Variants in HS3ST4 observed in about 807,000 individuals in gnomAD.
HS3ST4 encodes the protein heparan sulfate-glucosamine 3-sulfotransferase 4.
HS3ST4 carries 17 observed loss-of-function variants against 29.2 expected under a neutral mutation model. The observed-to-expected ratio is 0.58, with a 90% confidence interval of 0.40 to 0.87. The LOEUF (loss-of-function observed/expected upper bound fraction) is 0.87, where lower values mean the gene tolerates loss of function less well. HS3ST4 is among the 40% of genes least tolerant of loss of function. HS3ST4 has a pLI of 0.00. For synonymous variants in HS3ST4, 314 were observed against 285.7 expected, an observed-to-expected ratio of 1.10 and a Z score of -1.00; for missense variants, 627 against 634.5, an observed-to-expected ratio of 0.99 and a Z score of 0.13.
At chr16:25,924,973 C>T (rs13337221) in intron 1 of HS3ST4, among the ~76,000 whole-genome samples, 147 of 152,074 alleles carry the variant, frequency 9.7e-4, no homozygotes, top group African/African-American at 3.4e-3. Context: ...TTAAGCAACA[C>T]GTAGGAATTT....
chr16:25,968,229 A>C (rs1968862539), intron 1 of HS3ST4, among the ~76,000 whole-genome samples: 1 of 152,194 alleles, frequency 6.6e-6, no homozygotes, highest in Non-Finnish European at 1.5e-5. Context: ...CCTGAGGATG[A>C]GTTGCAGATG....
At chr16:25,722,671 A>T (rs935123346) in intron 1 of HS3ST4, among the ~76,000 whole-genome samples, 1 of 152,230 alleles carries the variant, frequency 6.6e-6, no homozygotes, top group South Asian at 2.1e-4. Context: ...GCAGTGAGGC[A>T]TCACAGGCTC....
chr16:26,025,268 T>C (rs1217191628), intron 1 of HS3ST4: 1 of 154,584 alleles, frequency 6.5e-6, no homozygotes, highest in Non-Finnish European at 1.5e-5. Context: ...GGTTTTTGCC[T>C]TTCAACATAA....
intron 1 of HS3ST4, among the ~76,000 whole-genome samples, chr16:25,857,705 C>T (rs11074726): frequency 0.97 from 147,298 of 152,210 alleles, 71,306 homozygotes; most frequent in East Asian, 1. Context: ...TAATTTACGC[C>T]TTGTTGGTAT....
chr16:26,038,564 C>T (rs55750801), intron 1 of HS3ST4, among the ~76,000 whole-genome samples: 8,712 of 152,136 alleles, frequency 0.057, 347 homozygotes, highest in Non-Finnish European at 0.086. Flanking sequence ...TGCCTACATG[C>T]CCACACCCCT....
chr16:25,976,626 T>A (rs1968946234), intron 1 of HS3ST4, among the ~76,000 whole-genome samples: 1 of 152,228 alleles, frequency 6.6e-6, no homozygotes, highest in Non-Finnish European at 1.5e-5. Context: ...TATCCACAGC[T>A]CTGCTGCATA....
chr16:25,769,800 C>T (rs1034503980), intron 1 of HS3ST4, among the ~76,000 whole-genome samples: 1 of 152,142 alleles, frequency 6.6e-6, no homozygotes, highest in Non-Finnish European at 1.5e-5. Context: ...GCAGCAGCCT[C>T]CCTTTGTGTA....
intron 1 of HS3ST4, among the ~76,000 whole-genome samples, chr16:26,118,811 G>A (rs1899233379): frequency 6.6e-6 from 1 of 152,046 alleles, no homozygotes; most frequent in Non-Finnish European, 1.5e-5. Flanking sequence ...GGTGTTGCTG[G>A]GACTTTGTTG....
intron 1 of HS3ST4, among the ~76,000 whole-genome samples, chr16:25,741,365 TAAAAAAA>T (rs66788248): frequency 6.0e-4 from 40 of 66,188 alleles, no homozygotes; most frequent in African/African-American, 2.4e-3. Context: ...GAATTCAAGG[TAAAAAAA>T]AAAAAAAAAA....
intron 1 of HS3ST4, among the ~76,000 whole-genome samples, chr16:25,923,173 C>T (rs1197001025): frequency 6.6e-6 from 1 of 152,138 alleles, no homozygotes. Context: ...ACAAGACATT[C>T]TAGGATGACT....
At chr16:25,773,102 A>G (rs1966844358) in intron 1 of HS3ST4, among the ~76,000 whole-genome samples, 1 of 152,186 alleles carries the variant, frequency 6.6e-6, no homozygotes, top group Non-Finnish European at 1.5e-5. Flanking sequence ...TACATTCCTC[A>G]AGGACTTGTG....
chr16:25,779,127 C>T (rs982662756), intron 1 of HS3ST4, among the ~76,000 whole-genome samples: 4 of 152,118 alleles, frequency 2.6e-5, no homozygotes, highest in African/African-American at 9.7e-5. Context: ...AGGGGTTGGC[C>T]TAGGCTAAAC....
chr16:25,884,436 C>G (rs1967928672), intron 1 of HS3ST4, among the ~76,000 whole-genome samples: 1 of 152,206 alleles, frequency 6.6e-6, no homozygotes, highest in African/African-American at 2.4e-5. Flanking sequence ...TCAACAAATC[C>G]TGTTTAATTT....
intron 1 of HS3ST4, among the ~76,000 whole-genome samples, chr16:25,931,111 T>TA (rs1353063549): frequency 2.7e-5 from 4 of 149,792 alleles, no homozygotes; most frequent in Non-Finnish European, 4.5e-5. Flanking sequence ...TCCTTCCCTT[T>TA]AAAAAACCTC....
intron 1 of HS3ST4, among the ~76,000 whole-genome samples, chr16:25,703,127 C>T (rs748727389): frequency 6.6e-6 from 1 of 152,048 alleles, no homozygotes; most frequent in South Asian, 2.1e-4. Context: ...CCACTGTACT[C>T]CAGCCAGCCT....
chr16:25,773,685 G>T (rs1488502697), intron 1 of HS3ST4, among the ~76,000 whole-genome samples: 1 of 152,170 alleles, frequency 6.6e-6, no homozygotes, highest in Non-Finnish European at 1.5e-5. Flanking sequence ...GATAAAAGTG[G>T]TTTTTGGTGA....
chr16:25,882,613 C>T (rs930944674), intron 1 of HS3ST4, among the ~76,000 whole-genome samples: 63 of 152,244 alleles, frequency 4.1e-4, no homozygotes, highest in African/African-American at 1.4e-3. Flanking sequence ...TCTACTGAAA[C>T]TATCATCACT....
At chr16:25,951,552 T>C (rs988333613) in intron 1 of HS3ST4, among the ~76,000 whole-genome samples, 25 of 152,180 alleles carry the variant, frequency 1.6e-4, no homozygotes, top group Non-Finnish European at 2.6e-4. Flanking sequence ...TTAAAGAATG[T>C]CCAACCTACT....
At chr16:25,858,717 C>T (rs1159867728) in intron 1 of HS3ST4, among the ~76,000 whole-genome samples, 1 of 152,040 alleles carries the variant, frequency 6.6e-6, no homozygotes, top group African/African-American at 2.4e-5. Context: ...CTTCTTGAGT[C>T]AATTTCAGTA....
Sources: allele counts gnomAD v4.1 joint callset (sites outside exome capture counted in the v4.1 genomes callset), GRCh38; gene constraint gnomAD v4.1.1; transcripts MANE v1.5; gene names NCBI Gene and HGNC (gene_info 2026-07-23, HGNC 2026-07-21).